The following TMEM255A variants were observed in gnomAD, a reference collection of about 807,000 sequenced individuals.
TMEM255A encodes the protein transmembrane protein 255A.
Under a neutral mutation model 23.5 loss-of-function variants are expected in TMEM255A, and 14 were observed. The ratio of observed to expected loss-of-function variants is 0.60; its 90% confidence interval spans 0.39 to 0.93. The LOEUF (loss-of-function observed/expected upper bound fraction) is 0.93, where lower values mean the gene tolerates loss of function less well. Among genes scored for constraint, TMEM255A ranks in the 40% least tolerant of loss-of-function variants. The pLI, the probability that TMEM255A is intolerant of heterozygous loss-of-function variation, is 0.00. For synonymous variants in TMEM255A, 104 were observed against 100.3 expected (o/e 1.04, Z -0.22); for missense variants, 233 against 261.7 (o/e 0.89, Z 0.76).
chrX:120,269,806 T>C (rs1556018350), intron 7 of TMEM255A, among the ~76,000 whole-genome samples: 1 of 111,962 alleles, frequency 8.9e-6, no homozygotes, highest in Non-Finnish European at 1.9e-5. Context: ...AGAAATTCTG[T>C]CTCTGGGGAA....
intron 1 of TMEM255A, among the ~76,000 whole-genome samples, chrX:120,309,701 T>G (rs1464257059): frequency 9.0e-6 from 1 of 111,399 alleles, no homozygotes; most frequent in African/African-American, 3.3e-5. Flanking sequence ...GCTCTCGCTG[T>G]CGCTCTCTCT....
chrX:120,291,271 C>A lies in TMEM255A; in HGVS notation c.334G>T (p.Val112Phe). The A allele has an allele frequency of 2.5e-6, 3 of 1,209,057 alleles. No individual in the cohort carries two copies. The highest frequency in any genetic ancestry group is 3.5e-5 in the South Asian group (2 of 56,537). Residue 112 changes from valine (V) to phenylalanine (F), a missense_variant, in exon 4 of 9, where the codon GTC (valine) becomes TTC (phenylalanine). Transcript: ENST00000371369. ...CTCACAATGTGTCTGGCAGCAAAGA[C>A]CCCGTCAACTATGGCACAACAAAAA... ...AAFCCAIVDG[V>F]FAARHIDLKP... is the part of the protein sequence containing the mutation.
At chrX:120,253,989 G>GATT (rs2147170517), downstream of TMEM255A, 1 of 1,209,117 alleles carries the variant, frequency 8.3e-7, no homozygotes, top group East Asian at 3.0e-5. Context: ...TGATGATGAT[G>GATT]ATGATGATGT....
At chrX:120,257,381 TAC>T (rs1476069320), downstream of TMEM255A, 1 of 123,284 alleles carries the variant, frequency 8.1e-6, no homozygotes, top group African/African-American at 3.2e-5. Flanking sequence ...ATGTGAATGA[TAC>T]GGATGCCGGC....
chrX:120,283,521 C>T (rs1556021222), intron 6 of TMEM255A, among the ~76,000 whole-genome samples: 1 of 111,169 alleles, frequency 9.0e-6, no homozygotes, highest in East Asian at 2.8e-4. Flanking sequence ...CTAGCTCCAT[C>T]CAGCCCCACT....
chrX:120,257,940 T>C (rs1348955915), downstream of TMEM255A: 1 of 123,431 alleles, frequency 8.1e-6, no homozygotes, highest in Non-Finnish European at 1.9e-5. Flanking sequence ...GGATAGGAAC[T>C]ACTTGAAATA....
At chrX:120,297,119 T>A (rs1213754480) in intron 2 of TMEM255A, among the ~76,000 whole-genome samples, 18 of 34,302 alleles carry the variant, frequency 5.2e-4, no homozygotes, top group Non-Finnish European at 6.1e-4. Context: ...TTATATTATA[T>A]TATAATATAT....
At chrX:120,285,797 T>G in intron 5 of TMEM255A, 1 of 1,197,799 alleles carries the variant, frequency 8.3e-7, no homozygotes, top group Non-Finnish European at 1.1e-6. Flanking sequence ...GCAAGAAAGC[T>G]ATCACAACAA....
intron 7 of TMEM255A, among the ~76,000 whole-genome samples, chrX:120,271,400 G>A (rs782442046): frequency 1.8e-5 from 2 of 111,611 alleles, no homozygotes; most frequent in Non-Finnish European, 3.8e-5. Context: ...AACAGAGACA[G>A]TAATACCTAC....
intron 2 of TMEM255A, among the ~76,000 whole-genome samples, chrX:120,303,849 T>C (rs1463185864): frequency 8.9e-6 from 1 of 111,787 alleles, no homozygotes; most frequent in Admixed American, 9.6e-5. Context: ...TGAACATGTA[T>C]ATATATAATT....
chrX:120,310,951 G>A (rs1365132708), intron 1 of TMEM255A, among the ~76,000 whole-genome samples: 2 of 109,585 alleles, frequency 1.8e-5, no homozygotes, highest in African/African-American at 6.7e-5. Context: ...AGATTGCTGG[G>A]ATTTACCACC....
chrX:120,295,798 C>A (rs782691708), intron 2 of TMEM255A, among the ~76,000 whole-genome samples: 1 of 111,725 alleles, frequency 9.0e-6, no homozygotes, highest in Admixed American at 9.5e-5. Flanking sequence ...TGAGAATTAA[C>A]CAGGATAATA....
chrX:120,273,502 TA>T (rs2057775864), intron 7 of TMEM255A: 2 of 140,425 alleles, frequency 1.4e-5, no homozygotes, highest in Admixed American at 8.9e-5. Flanking sequence ...AATTTGGGGG[TA>T]ACATAAACCT....
chrX:120,253,369 T>G, the TMEM255A span: 12 of 1,097,611 alleles, frequency 1.1e-5, no homozygotes, highest in Non-Finnish European at 1.5e-5. Flanking sequence ...ACTTTTGTTT[T>G]TTCTCTCTAA....
intron 6 of TMEM255A, among the ~76,000 whole-genome samples, chrX:120,279,571 G>T (rs1328548829): frequency 8.9e-6 from 1 of 112,093 alleles, no homozygotes; most frequent in East Asian, 2.8e-4. Flanking sequence ...CCCAAATTAT[G>T]TTTGCCTGCC....
intron 1 of TMEM255A, among the ~76,000 whole-genome samples, chrX:120,306,187 G>A (rs868990522): frequency 1.3e-4 from 14 of 110,964 alleles, no homozygotes; most frequent in African/African-American, 6.6e-5. Context: ...CTGTAACATC[G>A]GGGCCCTTTC....
At chrX:120,296,762 A>AT (rs1421549940) in intron 2 of TMEM255A, among the ~76,000 whole-genome samples, 5 of 10,032 alleles carry the variant, frequency 5.0e-4, no homozygotes, top group African/African-American at 2.8e-3. Flanking sequence ...TATATATTAT[A>AT]TATATTAAAT....
In TMEM255A at chrX:120,260,678, C is replaced by A; in HGVS notation, c.*192G>T. The A allele has an allele frequency of 2.1e-6, 1 of 483,229 alleles. No homozygotes were observed. The highest frequency in any genetic ancestry group is 3.2e-6 in the Non-Finnish European group (1 of 314,466). The allele number at this position is 483,229 out of a possible 1,213,427, so 39.8% of individuals were successfully genotyped here. ...AGAGAATGTGAGCTGCCCTTCTGTG[C>A]TGCGTTCAGCCTGACCACCCCTGCT... On this transcript the variant is annotated 3_prime_UTR_variant, in exon 9 of 9. Coordinates refer to ENST00000371369, the MANE Select transcript of TMEM255A (RefSeq NM_001104544.3).
intron 8 of TMEM255A, among the ~76,000 whole-genome samples, chrX:120,263,015 AG>A: frequency 9.1e-6 from 1 of 109,548 alleles, no homozygotes; most frequent in East Asian, 2.9e-4. Flanking sequence ...GTATGGGGGG[AG>A]GGGGTCATGA....
Sources: allele counts gnomAD v4.1 joint callset (sites outside exome capture counted in the v4.1 genomes callset), GRCh38; gene constraint gnomAD v4.1.1; transcripts MANE v1.5; gene names NCBI Gene and HGNC (gene_info 2026-07-23, HGNC 2026-07-21).